The following DOCK2 variants were observed in gnomAD, a reference collection of about 807,000 sequenced individuals.
The protein encoded by DOCK2 is dedicator of cytokinesis protein 2.
Under a neutral mutation model 248.9 loss-of-function variants are expected in DOCK2, and 87 were observed. The ratio of observed to expected loss-of-function variants is 0.35; its 90% confidence interval spans 0.29 to 0.42. The LOEUF is 0.42. Ranked by LOEUF, DOCK2 falls within the 10% of genes least tolerant of loss-of-function variation. The probability of loss-of-function intolerance (pLI) is 1.00; values close to 1 mark genes in which losing one functional copy is unlikely to be tolerated. For synonymous variants in DOCK2, 805 were observed against 821.6 expected, an observed-to-expected ratio of 0.98 and a Z score of 0.35; for missense variants, 1,747 against 2,300.2, an observed-to-expected ratio of 0.76 and a Z score of 4.92.
At chr5:170,000,441 C>T (rs566898826) in intron 30 of DOCK2, 27 of 152,260 alleles carry the variant, frequency 1.8e-4, no homozygotes, top group African/African-American at 6.3e-4. Context: ...GCGATTCAAC[C>T]CCAGGCCTGT....
intron 22 of DOCK2, among the ~76,000 whole-genome samples, chr5:169,719,631 T>C (rs1762086817): frequency 6.6e-6 from 1 of 152,248 alleles, no homozygotes; most frequent in Admixed American, 6.5e-5. Context: ...TGTCTAGATC[T>C]GGACTCTGCT....
chr5:169,732,673 T>G (rs893455279), intron 22 of DOCK2, among the ~76,000 whole-genome samples: 21 of 152,204 alleles, frequency 1.4e-4, no homozygotes, highest in African/African-American at 4.3e-4. Flanking sequence ...CCTTTCTCCC[T>G]GAAACGTATC....
intron 2 of DOCK2, among the ~76,000 whole-genome samples, chr5:169,668,941 G>A (rs962655669): frequency 6.6e-6 from 1 of 152,198 alleles, no homozygotes; most frequent in African/African-American, 2.4e-5. Flanking sequence ...CAAGGGAGGG[G>A]CTGCGTTGAG....
At chr5:169,723,561 C>T (rs1383569152) in intron 22 of DOCK2, among the ~76,000 whole-genome samples, 2 of 152,122 alleles carry the variant, frequency 1.3e-5, no homozygotes, top group Non-Finnish European at 2.9e-5. Flanking sequence ...CATTTTCTGA[C>T]TTTATCTCCT....
At position 169,759,848 on chromosome 5, in the gene DOCK2, T is replaced by C. The variant is rs890892281; in HGVS notation, c.2447+73T>C. 3.8e-6 allele frequency: 6 copies of C among 1,559,800 alleles called. No individual in the cohort carries two copies. The African/African-American group carries it at 5.4e-5, about 14-fold the overall frequency. On this transcript the variant is annotated intron_variant, in intron 24 of 51. Coordinates refer to ENST00000520908, the MANE Select transcript of DOCK2 (RefSeq NM_004946.3). Reference sequence around the variant, plus strand: ...ATTCAGAGTGGGAGGAGGGCTCTTATGGGGAGCTCCAGATGGGCACTCAGC... The same window carrying C: ...ATTCAGAGTGGGAGGAGGGCTCTTACGGGGAGCTCCAGATGGGCACTCAGC...
intron 32 of DOCK2, among the ~76,000 whole-genome samples, chr5:170,012,554 A>C (rs753093172): frequency 6.6e-6 from 1 of 152,200 alleles, no homozygotes; most frequent in Non-Finnish European, 1.5e-5. Flanking sequence ...AACATTCTTC[A>C]GGGGCAAATC....
chr5:169,840,303 A>G lies in DOCK2; in HGVS notation c.2704-454A>G, dbSNP rs191099745. 8.5e-5 allele frequency among the ~76,000 whole-genome samples: 13 copies of G among 152,304 alleles called. No individual in the cohort carries two copies. In the East Asian group the frequency reaches 2.3e-3, roughly 27 times the overall value. ...TATCGTGATGACAGCACCAAGGGAG[A>G]TGGTGTTAAACCATGAGAATCCACT... On this transcript the variant is annotated intron_variant, in intron 26 of 51. Coordinates refer to ENST00000520908, the MANE Select transcript of DOCK2 (RefSeq NM_004946.3).
chr5:169,639,595 C>T (rs1042316956), intron 1 of DOCK2, among the ~76,000 whole-genome samples: 2 of 152,152 alleles, frequency 1.3e-5, no homozygotes, highest in African/African-American at 4.8e-5. Context: ...TGATCAGGTC[C>T]ACCTTCCAGC....
In DOCK2 at chr5:169,829,424, T is replaced by C. The variant is rs183863022; in HGVS notation, c.2704-11333T>C. On this transcript the variant is annotated intron_variant, in intron 26 of 51. Transcript: ENST00000520908. ...TTAGCCCATGCAGTAATACTGAAGA[T>C]GAATGAGTGTACAATTTCTGTTAAG... Among the ~76,000 whole-genome samples, 8 of 152,336 alleles carry C rather than the reference T, an allele frequency of 5.3e-5. No homozygotes were observed. In the East Asian group the frequency reaches 7.7e-4, roughly 15 times the overall value.
At chr5:169,717,187 C>A (rs976826477) in intron 20 of DOCK2, among the ~76,000 whole-genome samples, 197 bp from the exon 21 acceptor site, 2 of 152,164 alleles carry the variant, frequency 1.3e-5, no homozygotes, top group African/African-American at 4.8e-5. Context: ...AAATCCTTTT[C>A]ATCTTATAAC....
At chr5:169,677,513 C>G (rs532647011) in intron 6 of DOCK2, among the ~76,000 whole-genome samples, 21 of 152,260 alleles carry the variant, frequency 1.4e-4, no homozygotes, top group Non-Finnish European at 1.8e-4. Context: ...TACATGTTTA[C>G]CCGTTGTGCA....
chr5:169,669,462 C>A, intron 3 of DOCK2, 134 bp downstream of exon 3: 2 of 930,500 alleles, frequency 2.1e-6, no homozygotes, highest in South Asian at 1.5e-5. Flanking sequence ...GCCCTGTGCT[C>A]TCTGACCTCT....
At chr5:169,876,174 G>C (rs570125686) in intron 27 of DOCK2, among the ~76,000 whole-genome samples, 3 of 152,026 alleles carry the variant, frequency 2.0e-5, no homozygotes, top group Non-Finnish European at 4.4e-5. Flanking sequence ...CTTTCTCTGC[G>C]GCCCTTGTGA....
chr5:170,017,587 G>A (rs1005668416), intron 32 of DOCK2, among the ~76,000 whole-genome samples: 2 of 152,340 alleles, frequency 1.3e-5, no homozygotes, highest in Admixed American at 6.5e-5. Context: ...AGTGGGCTAT[G>A]TGCCAAGCAT....
chr5:170,024,377 T>TC (rs1357471967), intron 33 of DOCK2, among the ~76,000 whole-genome samples: 1 of 149,972 alleles, frequency 6.7e-6, no homozygotes, highest in African/African-American at 2.5e-5. Context: ...TTTTTTTTTT[T>TC]TGAGACAGAG....
At chr5:170,021,446 A>G (rs1561884526) in intron 33 of DOCK2, among the ~76,000 whole-genome samples, 2 of 152,174 alleles carry the variant, frequency 1.3e-5, no homozygotes, top group Non-Finnish European at 2.9e-5. Context: ...CAATGTCCCA[A>G]AAAGAAATAA....
At chr5:169,981,463 T>G (rs913617972) in intron 27 of DOCK2, among the ~76,000 whole-genome samples, 1 of 152,220 alleles carries the variant, frequency 6.6e-6, no homozygotes, top group African/African-American at 2.4e-5. Flanking sequence ...CTGTGCTCAC[T>G]TCGTATCTCT....
At chr5:169,730,067 C>T (rs574484376) in intron 22 of DOCK2, among the ~76,000 whole-genome samples, 1 of 152,176 alleles carries the variant, frequency 6.6e-6, no homozygotes, top group Non-Finnish European at 1.5e-5. Flanking sequence ...AGTGATTCTC[C>T]TGCCTCAGCC....
intron 9 of DOCK2, among the ~76,000 whole-genome samples, chr5:169,694,212 G>A (rs977813873): frequency 2.0e-5 from 3 of 152,174 alleles, no homozygotes; most frequent in South Asian, 2.1e-4. Context: ...GATGTGAGCC[G>A]ACAGCTTATT....
Sources: gnomAD v4.1 joint callset for allele counts (sites outside exome capture counted in the v4.1 genomes callset) on GRCh38, gnomAD v4.1.1 for gene constraint, MANE v1.5 for transcripts, NCBI Gene and HGNC (gene_info 2026-07-23, HGNC 2026-07-21) for gene names.